Variants in MAPKAPK2 observed in about 807,000 individuals in gnomAD.
MAPKAPK2 encodes the protein MAPK activated protein kinase 2.
Under a neutral mutation model 48.8 loss-of-function variants are expected in MAPKAPK2, and 9 were observed. The ratio of observed to expected loss-of-function variants is 0.18; its 90% CI spans 0.11 to 0.32. The LOEUF is 0.32. Ranked by LOEUF, MAPKAPK2 falls within the 10% of genes least tolerant of loss-of-function variation. The pLI is 1.00. For missense variants in MAPKAPK2, 331 were observed against 498.3 expected (o/e 0.66, Z 3.20); for synonymous variants, 202 against 190.6 (o/e 1.06, Z -0.49).
chr1:206,729,690 TCTC>T (rs1673835754), intron 4 of MAPKAPK2, among the ~76,000 whole-genome samples: 1 of 152,204 alleles, frequency 6.6e-6, no homozygotes, highest in Non-Finnish European at 1.5e-5. Flanking sequence ...GCCCTGTGGT[TCTC>T]CTCAGGCAGA....
At chr1:206,707,316 G>C (rs1480397872) in intron 1 of MAPKAPK2, among the ~76,000 whole-genome samples, 1 of 152,064 alleles carries the variant, frequency 6.6e-6, no homozygotes, top group African/African-American at 2.4e-5. Context: ...CATGGAGAAT[G>C]GTGGGAAGGA....
chr1:206,699,942 CTTTCTTTTCG>C (rs1672744448), intron 1 of MAPKAPK2, among the ~76,000 whole-genome samples: 1 of 148,508 alleles, frequency 6.7e-6, no homozygotes, highest in African/African-American at 2.5e-5. Flanking sequence ...TTCTTTTCTC[CTTTCTTTTCG>C]TTTCTTTCTC....
In MAPKAPK2 at chr1:206,722,622, A is replaced by G. The variant is rs551312099; in HGVS notation, c.280-6088A>G. 1.3e-4 allele frequency among the ~76,000 whole-genome samples: 20 copies of G among 152,336 alleles called. No homozygotes were observed. The South Asian group carries it at 4.1e-3, about 32-fold the overall frequency. On this transcript the variant is annotated intron_variant, in intron 1 of 9. Coordinates refer to ENST00000367103, the MANE Select transcript of MAPKAPK2 (RefSeq NM_032960.4). ...GAGGAAGGGTTGGTCTTGCTGCTGCAGGGCTGGCAGAAGTGGAAGAAAATC... is the reference window on the plus strand; with the variant it reads ...GAGGAAGGGTTGGTCTTGCTGCTGCGGGGCTGGCAGAAGTGGAAGAAAATC...
At chr1:206,694,659 A>G (rs74147158) in intron 1 of MAPKAPK2, among the ~76,000 whole-genome samples, 8,258 of 152,310 alleles carry the variant, frequency 0.054, 518 homozygotes, top group African/African-American at 0.16. Flanking sequence ...TGGCTTCTGC[A>G]GAGCTCAAAG....
chr1:206,730,775 G>A lies in MAPKAPK2; in HGVS notation c.767+12G>A. On this transcript the variant is annotated intron_variant, in intron 6 of 9. Coordinates refer to ENST00000367103, the MANE Select transcript of MAPKAPK2 (RefSeq NM_032960.4). ...ATCATGTACATCCTGTGAGTGTGCT[G>A]GGGAGGGGGCTGGGTGGGGCAGGGA... 1 of 1,607,836 alleles carries A rather than the reference G, an allele frequency of 6.2e-7. No individual in the cohort carries two copies. The highest frequency in any genetic ancestry group is 1.1e-5 in the South Asian group (1 of 90,972).
chr1:206,689,547 C>G (rs1672389858), intron 1 of MAPKAPK2, among the ~76,000 whole-genome samples: 1 of 152,152 alleles, frequency 6.6e-6, no homozygotes, highest in Non-Finnish European at 1.5e-5. Flanking sequence ...AATATGGTTA[C>G]AGGTAGGTAA....
Position 206,732,162 on chromosome 1 carries a change from A to T in MAPKAPK2, c.1059+243A>T, listed in dbSNP as rs77672930. On this transcript the variant is annotated intron_variant, in intron 9 of 9. Transcript: ENST00000367103. The surrounding 1 kb of genome is among the most constrained non-coding windows in gnomAD (Gnocchi z 4.4). ...AATCCTTTTATTCCCTGGGTCTCTA[A>T]TGGGACCTTAAAGACCATCTGGTAT... 6 of 1,610,174 alleles carry T rather than the reference A, an allele frequency of 3.7e-6. No homozygotes were observed. The highest frequency in any genetic ancestry group is 5.1e-6 in the Non-Finnish European group (6 of 1,176,928).
intron 1 of MAPKAPK2, among the ~76,000 whole-genome samples, chr1:206,720,216 G>C (rs1159508590): frequency 6.6e-6 from 1 of 152,190 alleles, no homozygotes; most frequent in African/African-American, 2.4e-5. Context: ...AGCTAAGCTT[G>C]TCTCTTTAAA....
intron 1 of MAPKAPK2, among the ~76,000 whole-genome samples, chr1:206,724,374 C>A (rs939058728): frequency 1.1e-4 from 16 of 152,180 alleles, no homozygotes; most frequent in African/African-American, 3.9e-4. Context: ...TCTCTCCAGG[C>A]CTTCTGCGCT....
At chr1:206,729,218 G>A in intron 3 of MAPKAPK2, 119 bp downstream of exon 3, 3 of 1,210,866 alleles carry the variant, frequency 2.5e-6, no homozygotes, top group Non-Finnish European at 3.7e-6. Context: ...CCTCCAGCAT[G>A]CTGCAAGGGG....
At chr1:206,685,927 T>C (rs1459453902) in intron 1 of MAPKAPK2, among the ~76,000 whole-genome samples, 1 of 152,176 alleles carries the variant, frequency 6.6e-6, no homozygotes, top group South Asian at 2.1e-4. Context: ...CATTACTCAT[T>C]GAGCCGGTTG....
rs369317087 is a variant in MAPKAPK2 at position 206,686,132 on chromosome 1, C to G, written c.279+624C>G. 7.8e-3 allele frequency among the ~76,000 whole-genome samples: 1,190 copies of G among 152,220 alleles called. 19 individuals carry two copies. Among genetic ancestry groups the G allele is most frequent in the African/African-American group, 0.027 (1,123 of 41,548 alleles). On this transcript the variant is annotated intron_variant, in intron 1 of 9. Transcript: ENST00000367103. ...TGCGGGGGCGGGATTATTTGGATCC[C>G]GGAGCTGGCCCCCTCAGCTGGCCCC...
At chr1:206,721,935 C>G (rs1456619566) in intron 1 of MAPKAPK2, among the ~76,000 whole-genome samples, 7 of 152,120 alleles carry the variant, frequency 4.6e-5, no homozygotes, top group African/African-American at 1.4e-4. Context: ...CATGGTGGCA[C>G]ACGCCTGTAA....
At chr1:206,694,534 C>T (rs782539273) in intron 1 of MAPKAPK2, among the ~76,000 whole-genome samples, 1 of 152,210 alleles carries the variant, frequency 6.6e-6, no homozygotes, top group Non-Finnish European at 1.5e-5. Context: ...GACTGCCTTC[C>T]TTGGCTTCTG....
chr1:206,731,321 T>A lies in MAPKAPK2; in HGVS notation c.892+59T>A. ...GCCCGTGTGTGTGTGTGTGTGTGTA[T>A]GTGTGTACACGCAGACACATGTATG... On this transcript the variant is annotated intron_variant, in intron 7 of 9. Coordinates refer to ENST00000367103, the MANE Select transcript of MAPKAPK2 (RefSeq NM_032960.4). This position sits in a 1 kb window ranked among gnomAD's most constrained non-coding sequence, Gnocchi z 5.9. 1 of 1,608,180 alleles carries A rather than the reference T, an allele frequency of 6.2e-7. No homozygotes were observed. The highest frequency in any genetic ancestry group is 1.1e-5 in the South Asian group (1 of 90,484).
At chr1:206,716,135 T>C (rs1673322916) in intron 1 of MAPKAPK2, among the ~76,000 whole-genome samples, 1 of 152,156 alleles carries the variant, frequency 6.6e-6, no homozygotes, top group East Asian at 1.9e-4. Context: ...TACTAGGTTT[T>C]TCTTCCTGGC....
chr1:206,719,664 A>G (rs988317705), intron 1 of MAPKAPK2, among the ~76,000 whole-genome samples: 2 of 152,180 alleles, frequency 1.3e-5, no homozygotes, highest in Non-Finnish European at 2.9e-5. Flanking sequence ...CTCTTCCCCA[A>G]TCAATGTAGA....
intron 1 of MAPKAPK2, among the ~76,000 whole-genome samples, chr1:206,713,402 G>A (rs782392047): frequency 2.0e-5 from 3 of 152,222 alleles, no homozygotes; most frequent in Non-Finnish European, 4.4e-5. Context: ...TTAGGGTAGC[G>A]ATGATGTGGA....
rs1294061549 is a variant in MAPKAPK2, at chr1:206,732,418, C to T, written c.1060-157C>T. The T allele has an allele frequency of 6.1e-6, 9 of 1,464,984 alleles. No individual in the cohort carries two copies. The highest frequency in any genetic ancestry group is 2.6e-4 in the Middle Eastern group (1 of 3,918). The allele number at this position is 1,464,984 out of a possible 1,614,324, so 90.7% of individuals were successfully genotyped here. A position where few individuals can be genotyped will look rare whatever the true frequency, so the allele number is the denominator to read the frequency against. On this transcript the variant is annotated intron_variant, in intron 9 of 9. Coordinates refer to ENST00000367103, the MANE Select transcript of MAPKAPK2 (RefSeq NM_032960.4). This position sits in a 1 kb window ranked among gnomAD's most constrained non-coding sequence, Gnocchi z 4.4. ...GCTGGGGTGAGGCTGCCGTTGTCAG[C>T]GTGGACCACTAACCAGCCCGTCTTC...
Sources: gnomAD v4.1 joint callset for allele counts (sites outside exome capture counted in the v4.1 genomes callset) on GRCh38, gnomAD v4.1.1 for gene constraint, Gnocchi (gnomAD v3.1) non-coding constraint, MANE v1.5 for transcripts, NCBI Gene and HGNC (gene_info 2026-07-23, HGNC 2026-07-21) for gene names.